Variants in PPP1R21 observed in about 807,000 individuals in gnomAD.
The protein encoded by PPP1R21 is protein phosphatase 1 regulatory subunit 21, also known as KLRAQ motif containing 1.
A neutral mutation model predicts 112.8 loss-of-function variants in PPP1R21; 85 were observed. The ratio of observed to expected loss-of-function variants is 0.75; its 90% CI spans 0.63 to 0.90. The LOEUF (loss-of-function observed/expected upper bound fraction) is 0.90, where lower values mean the gene tolerates loss of function less well. Ranked by LOEUF, PPP1R21 falls within the 40% of genes least tolerant of loss-of-function variation. The pLI, the probability that PPP1R21 is intolerant of heterozygous loss-of-function variation, is 0.00. For synonymous variants in PPP1R21, 381 were observed against 322.3 expected (o/e 1.18, Z -1.95); for missense variants, 1,199 against 901.5 (o/e 1.33, Z -4.23).
rs1210324280 is a variant in PPP1R21 at position 48,469,339 on chromosome 2, TATATATATAGCATATATATATAGAGC to T, written c.898-1738_898-1713del. ...CACACACATATATATATAGAGCATA[TATATATATAGCATATATATATAGAGC>T]ATATATATATATAGCATATATATAT... is the stretch of plus-strand genomic sequence containing the variant. On this transcript the variant is annotated intron_variant, in intron 9 of 21. Coordinates refer to ENST00000294952, the MANE Select transcript of PPP1R21 (RefSeq NM_001135629.3). Among the ~76,000 whole-genome samples, 96 of 14,790 alleles carry T rather than the reference TATATATATAGCATATATATATAGAGC, an allele frequency of 6.5e-3. 4 individuals are homozygous for T. The highest frequency in any genetic ancestry group is 0.035 in the African/African-American group (90 of 2,540). The allele number at this position is 14,790 out of a possible 152,430, so 9.7% of individuals were successfully genotyped here. A position where few individuals can be genotyped will look rare whatever the true frequency, so the allele number is the denominator to read the frequency against.
chr2:48,484,986 T>C (rs1247751720), intron 13 of PPP1R21, among the ~76,000 whole-genome samples: 1 of 151,106 alleles, frequency 6.6e-6, no homozygotes, highest in African/African-American at 2.4e-5. Flanking sequence ...TGAATAAAAC[T>C]GTCTGTGATG....
intron 1 of PPP1R21, among the ~76,000 whole-genome samples, chr2:48,445,417 C>T (rs1031794328): frequency 1.3e-5 from 2 of 152,130 alleles, no homozygotes; most frequent in Admixed American, 6.6e-5. Context: ...CTCTGTTGGA[C>T]AGTGCTAGCT....
At chr2:48,498,892 A>C (rs1669973358) in intron 17 of PPP1R21, among the ~76,000 whole-genome samples, 157 bp downstream of exon 17, 1 of 152,180 alleles carries the variant, frequency 6.6e-6, no homozygotes. Context: ...TATTTCTCCC[A>C]GTTCTTGAGG....
chr2:48,476,746 C>T (rs962083653), intron 12 of PPP1R21, among the ~76,000 whole-genome samples: 3 of 152,056 alleles, frequency 2.0e-5, no homozygotes, highest in Non-Finnish European at 4.4e-5. Flanking sequence ...TGTATATCTT[C>T]TTGGAGAAAT....
At chr2:48,511,894 TATAA>T (rs1386122323) in intron 21 of PPP1R21, among the ~76,000 whole-genome samples, 2 of 151,970 alleles carry the variant, frequency 1.3e-5, no homozygotes, top group African/African-American at 4.8e-5. Flanking sequence ...AAAAAGCATG[TATAA>T]ATAATTTTCC....
chr2:48,499,465 G>A (rs898607775), intron 17 of PPP1R21, among the ~76,000 whole-genome samples: 8 of 152,210 alleles, frequency 5.3e-5, no homozygotes, highest in East Asian at 3.8e-4. Context: ...GCTTATGCCT[G>A]TAACTCCAAC....
intron 17 of PPP1R21, among the ~76,000 whole-genome samples, chr2:48,504,582 A>G (rs1459213518): frequency 1.3e-5 from 2 of 152,206 alleles, no homozygotes; most frequent in African/African-American, 2.4e-5. Flanking sequence ...TGGAGGTTGC[A>G]GTGAGCCTCG....
Position 48,514,944 on chromosome 2 carries a change from T to G in PPP1R21, c.*200T>G, listed in dbSNP as rs973417534. The G allele has an allele frequency of 1.6e-5, 9 of 557,392 alleles. No individual in the cohort carries two copies. Among genetic ancestry groups the G allele is most frequent in the African/African-American group, 5.7e-5 (3 of 52,962 alleles). The allele number at this position is 557,392 out of a possible 1,614,324, so 34.5% of individuals were successfully genotyped here. A position where few individuals can be genotyped will look rare whatever the true frequency, so the allele number is the denominator to read the frequency against. The stretch of plus-strand genomic sequence containing the variant: ...AGTGAGGCAAATACAGAAGTTGATG[T>G]CGGCAGTAAATGGAAAACAATACGT... On this transcript the variant is annotated 3_prime_UTR_variant, in exon 22 of 22. Transcript: ENST00000294952.
At position 48,486,543 on chromosome 2, in the gene PPP1R21, A is replaced by G. The variant is rs1440517605; in HGVS notation, c.1319-88A>G. 69 of 995,014 alleles carry G rather than the reference A, an allele frequency of 6.9e-5. 1 individual carries two copies. The highest frequency in any genetic ancestry group is 9.6e-5 in the Non-Finnish European group (63 of 658,110). The allele number at this position is 995,014 out of a possible 1,614,324, so 61.6% of individuals were successfully genotyped here. A position where few individuals can be genotyped will look rare whatever the true frequency, so the allele number is the denominator to read the frequency against. On this transcript the variant is annotated intron_variant, in intron 13 of 21. Transcript: ENST00000294952. ...GTCAAATTTACTTTATAAATTTAGA[A>G]GAATAGATAGGAGAAGTGAATGGGC...
intron 2 of PPP1R21, among the ~76,000 whole-genome samples, chr2:48,453,999 C>A (rs1667598537): frequency 6.6e-6 from 1 of 152,040 alleles, no homozygotes. Flanking sequence ...TGGCTCATGC[C>A]TGTAAACCCA....
chr2:48,460,144 C>G lies in PPP1R21; in HGVS notation c.590C>G (p.Thr197Arg). 6.2e-7 allele frequency: 1 copy of G among 1,614,062 alleles called. No homozygotes were observed. Among genetic ancestry groups the G allele is most frequent in the Non-Finnish European group, 8.5e-7 (1 of 1,179,994 alleles). ...EKEAKECRLRTEECQLQLKTL... is the reference protein window; with the variant it reads ...EKEAKECRLRREECQLQLKTL... ...GAAGCCAAGGAATGTCGACTTCGAA[C>G]GGAAGAATGGTATGTGGAAACTTGA... Residue 197 changes from threonine to arginine, a missense_variant, in exon 6 of 22, where the codon ACG (threonine) becomes AGG (arginine). Thr to Arg is a moderately conservative substitution (Grantham distance 71, BLOSUM62 -1). Transcript: ENST00000294952.
At chr2:48,490,230 AAAAAAAAAAGAAAGAAAAG>A (rs1335639921) in intron 14 of PPP1R21, among the ~76,000 whole-genome samples, 5 of 139,752 alleles carry the variant, frequency 3.6e-5, no homozygotes, top group East Asian at 3.9e-4. Context: ...AAAAAAAAAA[AAAAAAAAAAGAAAGAAAAG>A]AAAAAAAGAA....
intron 15 of PPP1R21, among the ~76,000 whole-genome samples, chr2:48,493,011 CT>C (rs746795481): frequency 0.024 from 2,352 of 96,660 alleles, 6 homozygotes; most frequent in Non-Finnish European, 0.035. Context: ...GGTCATTTAC[CT>C]TTTTTTTTTT....
chr2:48,445,301 C>T (rs1328063174), intron 1 of PPP1R21, among the ~76,000 whole-genome samples: 1 of 152,038 alleles, frequency 6.6e-6, no homozygotes, highest in Admixed American at 6.6e-5. Context: ...CCATGCATGG[C>T]TGTTGAGTGC....
intron 21 of PPP1R21, among the ~76,000 whole-genome samples, chr2:48,514,069 T>C (rs765001002): frequency 2.8e-5 from 4 of 143,234 alleles, no homozygotes; most frequent in Admixed American, 7.6e-5. Flanking sequence ...TGACGAGACA[T>C]GTTCTTTTTT....
intron 12 of PPP1R21, among the ~76,000 whole-genome samples, chr2:48,478,855 A>G (rs1039540782): frequency 1.3e-5 from 2 of 152,172 alleles, no homozygotes; most frequent in Non-Finnish European, 2.9e-5. Context: ...TCCACACTGT[A>G]TTACAAATTA....
At chr2:48,481,379 T>G (rs1302667648) in intron 13 of PPP1R21, among the ~76,000 whole-genome samples, 2 of 152,228 alleles carry the variant, frequency 1.3e-5, no homozygotes, top group Non-Finnish European at 2.9e-5. Context: ...TGGGTGGCAG[T>G]TAACAATATT....
chr2:48,471,095 A>G lies in PPP1R21; in HGVS notation c.906A>G (p.Gln302=), dbSNP rs955703530. The G allele has an allele frequency of 2.5e-6, 4 of 1,607,232 alleles. No homozygotes were observed. Among genetic ancestry groups the G allele is most frequent in the African/African-American group, 1.3e-5 (1 of 74,798 alleles). The part of the protein sequence containing the change: ...TISPLNQKFS[Q]YLHENASYVR... The stretch of plus-strand genomic sequence containing the variant: ...CTTTCCCTCCTGTTTAGTTCTCACA[A>G]TACCTTCATGAAAATGCGTCCTATG... Residue 302 remains glutamine, a synonymous_variant, in exon 10 of 22, where the codon CAA becomes CAG. Coordinates refer to ENST00000294952, the MANE Select transcript of PPP1R21 (RefSeq NM_001135629.3).
intron 7 of PPP1R21, 65 bp downstream of exon 7, chr2:48,461,297 T>G (rs1667966933): frequency 1.4e-6 from 2 of 1,430,228 alleles, no homozygotes; most frequent in Non-Finnish European, 1.8e-6. Flanking sequence ...GCCAACTAAT[T>G]AAAGTAATTT....
Sources: allele counts gnomAD v4.1 joint callset (sites outside exome capture counted in the v4.1 genomes callset), GRCh38; gene constraint gnomAD v4.1.1; transcripts MANE v1.5; gene names NCBI Gene and HGNC (gene_info 2026-07-23, HGNC 2026-07-21).